Variants in PTPRN2 observed in about 807,000 individuals in gnomAD.
PTPRN2 encodes receptor-type tyrosine-protein phosphatase N2.
Under a neutral mutation model 118.8 loss-of-function variants are expected in PTPRN2, and 74 were observed. The observed-to-expected ratio is 0.62, with a 90% CI of 0.52 to 0.76. The LOEUF is 0.76. Among genes scored for constraint, PTPRN2 ranks in the 30% least tolerant of loss-of-function variants. The pLI is 0.00. For missense variants in PTPRN2, 1,481 were observed against 1,394.4 expected (o/e 1.06, Z -0.99); for synonymous variants, 641 against 608.0 (o/e 1.05, Z -0.80).
chr7:157,548,620 C>G (rs1051967628), intron 22 of PTPRN2, among the ~76,000 whole-genome samples: 1 of 152,190 alleles, frequency 6.6e-6, no homozygotes, highest in African/African-American at 2.4e-5. Context: ...CCTGAGGGTT[C>G]TGGGATTTAT....
chr7:158,390,217 C>T (rs1229197171), intron 2 of PTPRN2, among the ~76,000 whole-genome samples: 4 of 152,164 alleles, frequency 2.6e-5, no homozygotes, highest in Non-Finnish European at 4.4e-5. Context: ...TGTCCTCCCA[C>T]GGCTCTCATG....
At chr7:157,919,535 TTAAG>T (rs1055255331) in intron 11 of PTPRN2, among the ~76,000 whole-genome samples, 3 of 152,058 alleles carry the variant, frequency 2.0e-5, no homozygotes, top group Admixed American at 2.0e-4. Context: ...AGGGAAGAAA[TTAAG>T]TAATAAAAAT....
chr7:157,991,567 T>TGAGGGAGGGC (rs1257826328), intron 11 of PTPRN2, among the ~76,000 whole-genome samples: 2 of 151,640 alleles, frequency 1.3e-5, no homozygotes, highest in South Asian at 2.1e-4. Context: ...TGAGGGAGGG[T>TGAGGGAGGGC]GAGGGAGGGC....
chr7:158,568,125 T>G (rs1417342593), intron 1 of PTPRN2, among the ~76,000 whole-genome samples: 2 of 152,112 alleles, frequency 1.3e-5, no homozygotes, highest in African/African-American at 4.8e-5. Flanking sequence ...TGGTGGTACA[T>G]GCCTGTAGTT....
chr7:157,935,908 A>AG (rs1799668914), intron 11 of PTPRN2, among the ~76,000 whole-genome samples: 1 of 144,198 alleles, frequency 6.9e-6, no homozygotes, highest in African/African-American at 2.6e-5. Flanking sequence ...TCGCTCCCTC[A>AG]GGGGGGTCTA....
At chr7:158,540,694 GT>G (rs1825937146) in intron 1 of PTPRN2, among the ~76,000 whole-genome samples, 1 of 152,244 alleles carries the variant, frequency 6.6e-6, no homozygotes, top group Non-Finnish European at 1.5e-5. Context: ...GGCCCACCGT[GT>G]GTGTCTGCAT....
At chr7:157,803,379 G>A (rs780333873) in intron 12 of PTPRN2, among the ~76,000 whole-genome samples, 6 of 152,162 alleles carry the variant, frequency 3.9e-5, no homozygotes, top group South Asian at 2.1e-4. Flanking sequence ...CCTACCTTTC[G>A]TGGGCTGCCC....
intron 10 of PTPRN2, among the ~76,000 whole-genome samples, chr7:158,103,764 C>A (rs1294919184): frequency 2.6e-5 from 4 of 152,210 alleles, no homozygotes; most frequent in Non-Finnish European, 5.9e-5. Context: ...GGCCACAGCA[C>A]ACTGCTCTTT....
chr7:157,909,223 ATTTT>A (rs1182847685), intron 11 of PTPRN2, among the ~76,000 whole-genome samples: 2 of 152,146 alleles, frequency 1.3e-5, no homozygotes, highest in Admixed American at 6.5e-5. Context: ...CATTTGAATA[ATTTT>A]TTTCACTATG....
chr7:157,929,597 C>A lies in PTPRN2; in HGVS notation c.1724-30860G>T, dbSNP rs2128778438. On this transcript the variant is annotated intron_variant, in intron 11 of 22. Coordinates refer to ENST00000389418, the MANE Select transcript of PTPRN2 (RefSeq NM_002847.5). The surrounding 1 kb of genome is among the most constrained non-coding windows in gnomAD (Gnocchi z 4.4). Reference sequence around the variant, plus strand: ...GCCACCTCTGGTCCCATCTTCCTTTCAGGGTCCAGGCAGTCTTCCCCCTCA... The same window carrying A: ...GCCACCTCTGGTCCCATCTTCCTTTAAGGGTCCAGGCAGTCTTCCCCCTCA... Among the ~76,000 whole-genome samples the A allele has an allele frequency of 6.6e-6, 1 of 152,252 alleles. No homozygotes were observed. The highest frequency in any genetic ancestry group is 2.4e-5 in the African/African-American group (1 of 41,552).
intron 10 of PTPRN2, among the ~76,000 whole-genome samples, chr7:158,097,329 C>A (rs1486764766): frequency 6.6e-6 from 1 of 152,174 alleles, no homozygotes; most frequent in Non-Finnish European, 1.5e-5. Context: ...ACAGAGAAGA[C>A]CCCAACAAGA....
rs569920767 is a variant in PTPRN2 at position 158,291,177 on chromosome 7, T to G, written c.277+25642A>C. Among the ~76,000 whole-genome samples the G allele has an allele frequency of 4.1e-4, 63 of 152,344 alleles. 2 individuals carry two copies. In the South Asian group the frequency reaches 0.013, roughly 32 times the overall value. ...AGCTTCCATTTGTGTTTCACAGTTT[T>G]CAAAATGTACTCACCAGGATCAACC... On this transcript the variant is annotated intron_variant, in intron 3 of 22. Transcript: ENST00000389418.
Position 158,133,704 on chromosome 7 carries a change from G to C in PTPRN2, c.1529C>G (p.Ala510Gly). The C allele has an allele frequency of 6.2e-7, 1 of 1,604,394 alleles. No homozygotes were observed. The highest frequency in any genetic ancestry group is 8.5e-7 in the Non-Finnish European group (1 of 1,175,326). The change falls in exon 9 of 23, where the codon GCG (alanine) becomes GGG (glycine). Residue 510 changes from alanine to glycine, a missense_variant. By Grantham distance (60) the Ala-to-Gly change is moderately conservative. This residue lies in a region of PTPRN2 where 1,115 missense variants were observed against 994.2 expected (regional missense o/e 1.12). Transcript: ENST00000389418. ...TCTGTCTGTCACGATGTAGCCCCGCGCCTCTTCCTCGGAAGGCTGGACCTC... is the reference window on the plus strand; with the variant it reads ...TCTGTCTGTCACGATGTAGCCCCGCCCCTCTTCCTCGGAAGGCTGGACCTC... ...QLEVQPSEEE[A>G]RGYIVTDRDP...
At chr7:158,220,339 G>T (rs1267864071) in intron 3 of PTPRN2, among the ~76,000 whole-genome samples, 1 of 152,018 alleles carries the variant, frequency 6.6e-6, no homozygotes, top group Non-Finnish European at 1.5e-5. Flanking sequence ...GCAAGGGAAA[G>T]AAATAAAAGG....
At position 157,682,758 on chromosome 7, in the gene PTPRN2, GC is replaced by G. The variant is rs1796973610; in HGVS notation, c.1967del (p.Gly656AlafsTer75). The G allele has an allele frequency of 1.2e-6, 2 of 1,613,728 alleles. No individual in the cohort carries two copies. The highest frequency in any genetic ancestry group is 1.3e-5 in the African/African-American group (1 of 74,920). On this transcript the variant is annotated frameshift_variant, in exon 13 of 23. Coordinates refer to ENST00000389418, the MANE Select transcript of PTPRN2 (RefSeq NM_002847.5). LOFTEE classifies it high-confidence loss of function. ...CGGCAGTGGCATCTGCACCTGGGTC[GC>G]CCCCTAGTCCCGAGAGCTTCTCCTT... ...RLKEKLSGLG[G>X]DPGADATAAY...
intron 4 of PTPRN2, among the ~76,000 whole-genome samples, chr7:158,201,448 C>G (rs902567946): frequency 1.3e-5 from 2 of 152,234 alleles, no homozygotes; most frequent in East Asian, 3.9e-4. Flanking sequence ...GGGAAAAAAT[C>G]AAAATATTTA....
At chr7:158,171,314 T>TATACATACATAC (rs1823657007) in intron 5 of PTPRN2, among the ~76,000 whole-genome samples, 1 of 98,316 alleles carries the variant, frequency 1.0e-5, no homozygotes, top group Non-Finnish European at 2.0e-5. Flanking sequence ...CACACATATA[T>TATACATACATAC]ATATATATAT....
At chr7:157,891,018 C>T (rs931503516) in intron 12 of PTPRN2, among the ~76,000 whole-genome samples, 1 of 151,998 alleles carries the variant, frequency 6.6e-6, no homozygotes, top group Non-Finnish European at 1.5e-5. Flanking sequence ...CCTCCTTACT[C>T]CGGCTCTCTT....
At chr7:157,877,004 C>G (rs1795807023) in intron 12 of PTPRN2, among the ~76,000 whole-genome samples, 2 of 152,216 alleles carry the variant, frequency 1.3e-5, no homozygotes, top group African/African-American at 4.8e-5. Flanking sequence ...TGGAGGAACC[C>G]CAGGCCTGAG....
Sources: gnomAD v4.1 joint callset for allele counts (sites outside exome capture counted in the v4.1 genomes callset) on GRCh38, gnomAD v4.1.1 for gene constraint, gnomAD v4.1.1 regional missense constraint, Gnocchi (gnomAD v3.1) non-coding constraint, MANE v1.5 for transcripts, NCBI Gene and HGNC (gene_info 2026-07-23, HGNC 2026-07-21) for gene names.